The following TMPRSS9 variants were observed in gnomAD, a reference collection of about 807,000 sequenced individuals.
TMPRSS9 encodes transmembrane protease serine 9.
TMPRSS9 carries 113 observed loss-of-function variants against 111.4 expected under a neutral mutation model. The ratio of observed to expected loss-of-function variants is 1.01; its 90% CI spans 0.87 to 1.19. The LOEUF is 1.19. Among genes scored for constraint, TMPRSS9 ranks in the 50% most tolerant of loss-of-function variants. TMPRSS9 has a pLI of 0.00. For missense variants in TMPRSS9, 1,803 were observed against 1,513.1 expected (o/e 1.19, Z -3.18); for synonymous variants, 805 against 659.1 (o/e 1.22, Z -3.39).
chr19:2,391,661 T>A (rs908047720), intron 1 of TMPRSS9, among the ~76,000 whole-genome samples: 1 of 151,790 alleles, frequency 6.6e-6, no homozygotes, highest in South Asian at 2.1e-4. Flanking sequence ...GAGTTTCTCA[T>A]CTGCATTGTA....
intron 1 of TMPRSS9, among the ~76,000 whole-genome samples, chr19:2,392,147 G>A (rs1024572397): frequency 6.6e-6 from 1 of 151,222 alleles, no homozygotes; most frequent in East Asian, 2.0e-4. Context: ...TCAGGAGTTC[G>A]AGACCAACCT....
intron 1 of TMPRSS9, among the ~76,000 whole-genome samples, chr19:2,395,636 A>G (rs1192199981): frequency 1.3e-5 from 2 of 151,746 alleles, no homozygotes; most frequent in Non-Finnish European, 2.9e-5. Context: ...AATTGCTTGA[A>G]CCCGGGAGGC....
At position 2,405,546 on chromosome 19, in the gene TMPRSS9, G is replaced by T; in HGVS notation, c.842+1G>T. 6.4e-7 allele frequency: 1 copy of T among 1,554,076 alleles called. No individual in the cohort carries two copies. The highest frequency in any genetic ancestry group is 1.2e-5 in the South Asian group (1 of 83,690). On this transcript the variant is annotated splice_donor_variant, in intron 7 of 17. Coordinates refer to ENST00000648592, the Ensembl canonical transcript of TMPRSS9. LOFTEE classifies it high-confidence loss of function. ...TGTCTGCTGCTCACTGCTTCAATGA[G>T]TAAGCCCCCATCCCAAAGCACCAAA...
At chr19:2,368,710 C>T (rs201341937) in intron 1 of TMPRSS9, among the ~76,000 whole-genome samples, 6 of 149,912 alleles carry the variant, frequency 4.0e-5, no homozygotes, top group South Asian at 2.1e-4. Flanking sequence ...ACCCTGCAGA[C>T]GGTCTGACAA....
chr19:2,417,180 C>T (rs150202315), intron 12 of TMPRSS9, among the ~76,000 whole-genome samples: 21 of 152,168 alleles, frequency 1.4e-4, no homozygotes, highest in East Asian at 9.7e-4. Flanking sequence ...AAATGTTTGC[C>T]GGCGGCCACA....
chr19:2,408,685 C>T (rs372529312), intron 8 of TMPRSS9, 55 bp downstream of exon 9: 85 of 1,571,302 alleles, frequency 5.4e-5, no homozygotes, highest in Admixed American at 1.7e-4. Flanking sequence ...GGGCAAATAA[C>T]GCAGAAAAGG....
At chr19:2,411,317 A>G (rs1173215832) in intron 9 of TMPRSS9, among the ~76,000 whole-genome samples, 3 of 124,058 alleles carry the variant, frequency 2.4e-5, no homozygotes, top group Non-Finnish European at 3.8e-5. Context: ...AAAAAAAAAA[A>G]AAAAAAAAAA....
chr19:2,416,279 G>C, intron 11 of TMPRSS9: 1 of 530,756 alleles, frequency 1.9e-6, no homozygotes, highest in Non-Finnish European at 3.3e-6. Context: ...GTTGGGGGGG[G>C]GCATTGGCAC....
intron 4 of TMPRSS9, among the ~76,000 whole-genome samples, chr19:2,401,665 T>C (rs1456520420): frequency 6.6e-6 from 1 of 151,868 alleles, no homozygotes; most frequent in Non-Finnish European, 1.5e-5. Context: ...TGGAGTACAA[T>C]GGTGTGATCT....
intron 14 of TMPRSS9, among the ~76,000 whole-genome samples, chr19:2,422,575 AAAAAAG>A (rs1971492175): frequency 6.6e-6 from 1 of 151,186 alleles, no homozygotes; most frequent in Admixed American, 6.6e-5. Context: ...ACTCCGTCTC[AAAAAAG>A]AAAAAGACAT....
At chr19:2,417,369 G>A (rs138036271) in intron 12 of TMPRSS9, among the ~76,000 whole-genome samples, 3,430 of 151,926 alleles carry the variant, frequency 0.023, 118 homozygotes, top group African/African-American at 0.078. Flanking sequence ...GGGAGGCTGA[G>A]GCAGGAGAAT....
chr19:2,424,154 T>C, exon 15 of TMPRSS9: 1 of 1,450,746 alleles, frequency 6.9e-7, no homozygotes, highest in Non-Finnish European at 9.1e-7. Flanking sequence ...CCGTGGGGAG[T>C]GGCCGTGGCA....
In TMPRSS9 at chr19:2,418,409, CA is replaced by C. The variant is rs1971335050; in HGVS notation, c.2154+272del. The stretch of plus-strand genomic sequence containing the variant: ...TCCTTCCCTCCCTGGCCTTTCCTTC[CA>C]TTCCTTCCCTCCCTCCCTTTCCTTC... On this transcript the variant is annotated intron_variant, in intron 13 of 17. Coordinates refer to ENST00000648592, the Ensembl canonical transcript of TMPRSS9. 8.1e-5 allele frequency among the ~76,000 whole-genome samples: 3 copies of C among 37,070 alleles called. 1 individual carries two copies. The highest frequency in any genetic ancestry group is 3.9e-4 in the African/African-American group (3 of 7,690). 24.3% of individuals were successfully genotyped at this position (37,070 alleles called of 152,430 possible).
At chr19:2,421,999 A>G in exon 14 of TMPRSS9, 1 of 1,613,134 alleles carries the variant, frequency 6.2e-7, no homozygotes, top group Non-Finnish European at 8.5e-7. Context: ...TGGATCCTGG[A>G]GATCATGTCC....
intron 7 of TMPRSS9, among the ~76,000 whole-genome samples, chr19:2,406,312 C>T (rs1351544495): frequency 6.8e-6 from 1 of 146,932 alleles, no homozygotes; most frequent in African/African-American, 2.6e-5. Context: ...GCCACTGCGC[C>T]CGGCCTCTTT....
In TMPRSS9 at chr19:2,379,730, TTC is replaced by T. The variant is rs773251268; in HGVS notation, c.-25-10012_-25-10011del. 4.4e-4 allele frequency among the ~76,000 whole-genome samples: 64 copies of T among 145,374 alleles called. No homozygotes were observed. In the South Asian group the frequency reaches 4.6e-3, roughly 11 times the overall value. ...CCTCTCTCCCTTCCTCTTTTTCTCT[TTC>T]TCTCTCTCTCTCTCTCTCATTCTCT... On this transcript the variant is annotated intron_variant, in intron 1 of 17. Coordinates refer to the TMPRSS9 transcript ENST00000649857.
intron 13 of TMPRSS9, among the ~76,000 whole-genome samples, chr19:2,421,223 T>C (rs55920357): frequency 0.6 from 90,630 of 151,680 alleles, 29,077 homozygotes; most frequent in African/African-American, 0.83. Flanking sequence ...AGAAATAAGC[T>C]TGGCAGCTAG....
intron 1 of TMPRSS9, among the ~76,000 whole-genome samples, chr19:2,372,068 G>T (rs1245966705): frequency 1.3e-5 from 2 of 152,148 alleles, no homozygotes; most frequent in African/African-American, 4.8e-5. Flanking sequence ...TGGGGGCCAG[G>T]CTGGTCTCAA....
chr19:2,415,285 G>A (rs530305458), intron 10 of TMPRSS9, among the ~76,000 whole-genome samples: 22 of 152,058 alleles, frequency 1.4e-4, no homozygotes, highest in Admixed American at 2.6e-4. Flanking sequence ...ACTCTGTTCC[G>A]AAACCCCCTA....
Sources: allele counts gnomAD v4.1 joint callset (sites outside exome capture counted in the v4.1 genomes callset), GRCh38; gene constraint gnomAD v4.1.1; transcripts MANE v1.5; gene names NCBI Gene and HGNC (gene_info 2026-07-23, HGNC 2026-07-21).